MANBA: variants seen among roughly 807,000 people sequenced by gnomAD.
The protein encoded by MANBA is beta-mannosidase.
Under a neutral mutation model 111.1 loss-of-function variants are expected in MANBA, and 83 were observed. The observed-to-expected ratio is 0.75, with a 90% confidence interval of 0.63 to 0.90. The LOEUF is 0.90. Ranked by LOEUF, MANBA falls within the 40% of genes least tolerant of loss-of-function variation. MANBA has a pLI of 0.00. For synonymous variants in MANBA, 370 were observed against 378.7 expected (o/e 0.98, Z 0.27); for missense variants, 1,036 against 1,069.0 (o/e 0.97, Z 0.43).
Position 102,694,370 on chromosome 4 carries a change from C to T in MANBA, c.674-3599G>A, listed in dbSNP as rs148265971. Among the ~76,000 whole-genome samples, 927 of 152,266 alleles carry T rather than the reference C, an allele frequency of 6.1e-3. 4 individuals are homozygous for T. Among genetic ancestry groups the T allele is most frequent in the Non-Finnish European group, 9.4e-3 (641 of 68,016 alleles). On this transcript the variant is annotated intron_variant, in intron 5 of 16. Coordinates refer to ENST00000647097, the MANE Select transcript of MANBA (RefSeq NM_005908.4). ...TGGAAAAGTAGGTAATTTAGGTTCA[C>T]AAGGCGCAAAGTCTTAAATAACCAG...
At chr4:102,663,845 C>T (rs1337598453) in intron 11 of MANBA, among the ~76,000 whole-genome samples, 1 of 152,000 alleles carries the variant, frequency 6.6e-6, no homozygotes, top group African/African-American at 2.4e-5. Context: ...CTTTTTCTCA[C>T]AAAAAGGCCA....
intron 15 of MANBA, 36 bp from the exon 16 acceptor site, chr4:102,635,081 C>T: frequency 6.2e-7 from 1 of 1,611,066 alleles, no homozygotes. Context: ...AACAGGCATT[C>T]TTGGTTGCTA....
intron 14 of MANBA, among the ~76,000 whole-genome samples, chr4:102,636,622 T>C (rs940972022): frequency 4.6e-5 from 7 of 152,214 alleles, no homozygotes; most frequent in African/African-American, 1.7e-4. Context: ...AGTGGATTTA[T>C]TGAGCCAATC....
chr4:102,703,866 C>T (rs565891555), intron 5 of MANBA, among the ~76,000 whole-genome samples: 2 of 152,204 alleles, frequency 1.3e-5, no homozygotes, highest in South Asian at 2.1e-4. Flanking sequence ...GAGGCTGAGG[C>T]GGGTGGATCA....
intron 5 of MANBA, among the ~76,000 whole-genome samples, chr4:102,697,971 C>T (rs1351365118): frequency 1.3e-5 from 2 of 151,714 alleles, no homozygotes; most frequent in Non-Finnish European, 2.9e-5. Context: ...TACAGTCCCA[C>T]CAACAGTGTA....
intron 14 of MANBA, 76 bp downstream of exon 14, chr4:102,639,637 A>G (rs900174641): frequency 6.3e-7 from 1 of 1,588,284 alleles, no homozygotes; most frequent in Non-Finnish European, 8.6e-7. Flanking sequence ...TGACCCCTCC[A>G]GCACTGTGCT....
At chr4:102,694,152 G>C (rs1387579834) in intron 5 of MANBA, among the ~76,000 whole-genome samples, 2 of 152,164 alleles carry the variant, frequency 1.3e-5, no homozygotes, top group Non-Finnish European at 2.9e-5. Flanking sequence ...TCTCGAGCAA[G>C]TCCGCACTCC....
chr4:102,681,366 A>AT (rs1051990224), intron 7 of MANBA, among the ~76,000 whole-genome samples: 2 of 151,768 alleles, frequency 1.3e-5, no homozygotes, highest in African/African-American at 2.4e-5. Flanking sequence ...ATTCTAAAGC[A>AT]TTTTTTTCAG....
At chr4:102,669,121 A>T in intron 9 of MANBA, 72 bp from the exon 10 acceptor site, 2 of 1,136,238 alleles carry the variant, frequency 1.8e-6, no homozygotes, top group Non-Finnish European at 2.6e-6. Context: ...CTTTATTCTG[A>T]GCTCTGGGCA....
chr4:102,703,005 T>C (rs1048149709), intron 5 of MANBA, among the ~76,000 whole-genome samples: 2 of 152,270 alleles, frequency 1.3e-5, no homozygotes, highest in African/African-American at 2.4e-5. Context: ...TTACTGCATA[T>C]ACATATATAT....
Position 102,642,006 on chromosome 4 carries a change from G to A in MANBA, c.1870-2149C>T, listed in dbSNP as rs184993195. ...ACACTCCACACACAGATGGTACCAT[G>A]CTAATAACATGGACCTGAATCTATC... On this transcript the variant is annotated intron_variant, in intron 13 of 16. Coordinates refer to ENST00000647097, the MANE Select transcript of MANBA (RefSeq NM_005908.4). 6.1e-4 allele frequency among the ~76,000 whole-genome samples: 92 copies of A among 151,886 alleles called. 1 individual carries two copies. Among genetic ancestry groups the A allele is most frequent in the Admixed American group, 2.6e-3 (39 of 15,248 alleles).
At chr4:102,733,650 C>T (rs531875665) in intron 1 of MANBA, among the ~76,000 whole-genome samples, 240 of 152,326 alleles carry the variant, frequency 1.6e-3, no homozygotes, top group Non-Finnish European at 2.9e-3. Flanking sequence ...CGTAAGCCAC[C>T]ACACTGGCCG....
rs183016719 is a variant in MANBA, at chr4:102,743,716, C to T, written c.177+17002G>A. On this transcript the variant is annotated intron_variant, in intron 1 of 16. Coordinates refer to ENST00000647097, the MANE Select transcript of MANBA (RefSeq NM_005908.4). ...CTGCTGTACACAACCTACTTTATGGCTAGATGGGTCAGAAAGCACCCACTT... is the reference window on the plus strand; with the variant it reads ...CTGCTGTACACAACCTACTTTATGGTTAGATGGGTCAGAAAGCACCCACTT... 8.3e-4 allele frequency among the ~76,000 whole-genome samples: 127 copies of T among 152,318 alleles called. 1 individual carries two copies. The highest frequency in any genetic ancestry group is 3.4e-3 in the Middle Eastern group (1 of 294).
At chr4:102,682,146 C>CAAAAAAAA (rs1244673574) in intron 7 of MANBA, among the ~76,000 whole-genome samples, 2 of 62,302 alleles carry the variant, frequency 3.2e-5, no homozygotes. Context: ...AACTCTGTCT[C>CAAAAAAAA]AAAAAAAAAA....
chr4:102,715,042 C>T (rs1722266204), intron 4 of MANBA, among the ~76,000 whole-genome samples: 1 of 152,242 alleles, frequency 6.6e-6, no homozygotes, highest in South Asian at 2.1e-4. Flanking sequence ...TGTGTGTGCC[C>T]CCCAACCACC....
At position 102,727,886 on chromosome 4, in the gene MANBA, T is replaced by C. The variant is rs76671809; in HGVS notation, c.178-1203A>G. ...TGAAAAAGCCCCTTGTGAAGGGGCATTTATGAGGCTTTTCACTGCAGAGAA... is the reference window on the plus strand; with the variant it reads ...TGAAAAAGCCCCTTGTGAAGGGGCACTTATGAGGCTTTTCACTGCAGAGAA... On this transcript the variant is annotated intron_variant, in intron 1 of 16. Coordinates refer to ENST00000647097, the MANE Select transcript of MANBA (RefSeq NM_005908.4). The C allele has an allele frequency of 6.5e-3, 3,413 of 527,120 alleles. 75 individuals are homozygous for C. Among genetic ancestry groups the C allele is most frequent in the African/African-American group, 0.051 (2,639 of 51,942 alleles). The allele number at this position is 527,120 out of a possible 1,614,324, so 32.7% of individuals were successfully genotyped here.
intron 4 of MANBA, among the ~76,000 whole-genome samples, chr4:102,716,309 CAAAAAA>C (rs56345161): frequency 4.3e-4 from 17 of 39,114 alleles, no homozygotes; most frequent in African/African-American, 1.4e-3. Flanking sequence ...AACTCAGTCT[CAAAAAA>C]AAAAAAAAAA....
intron 5 of MANBA, among the ~76,000 whole-genome samples, chr4:102,703,767 A>T (rs1733168120): frequency 6.6e-6 from 1 of 151,902 alleles, no homozygotes; most frequent in Admixed American, 6.6e-5. Flanking sequence ...AGCACTCCCC[A>T]CTTTGCAAGC....
chr4:102,636,429 A>G (rs546952333), intron 14 of MANBA, among the ~76,000 whole-genome samples: 3 of 152,216 alleles, frequency 2.0e-5, no homozygotes, highest in Non-Finnish European at 4.4e-5. Flanking sequence ...CAGTGAAAAT[A>G]CAGTATTATA....
Sources: gnomAD v4.1 joint callset for allele counts (sites outside exome capture counted in the v4.1 genomes callset) on GRCh38, gnomAD v4.1.1 for gene constraint, MANE v1.5 for transcripts, NCBI Gene and HGNC (gene_info 2026-07-23, HGNC 2026-07-21) for gene names.